MEGF10: variants seen among roughly 807,000 people sequenced by gnomAD.
MEGF10 encodes multiple epidermal growth factor-like domains protein 10.
In MEGF10, 86 loss-of-function variants were observed where a neutral mutation model predicts 147.5. The observed-to-expected ratio is 0.58, with a 90% confidence interval of 0.49 to 0.70. The LOEUF (loss-of-function observed/expected upper bound fraction) is 0.70. Among genes scored for constraint, MEGF10 ranks in the 30% least tolerant of loss-of-function variants. The probability of loss-of-function intolerance (pLI) is 0.00; values close to 1 mark genes in which losing one functional copy is unlikely to be tolerated. For missense variants in MEGF10, 1,329 were observed against 1,487.3 expected (o/e 0.89, Z 1.75); for synonymous variants, 478 against 525.5 (o/e 0.91, Z 1.24).
chr5:127,239,018 T>C, the MEGF10 span, among the ~76,000 whole-genome samples: 3 of 151,776 alleles, frequency 2.0e-5, no homozygotes, highest in African/African-American at 7.3e-5. Context: ...GCGATAGTAC[T>C]GCCAAAATGT....
chr5:127,284,735 C>A, the MEGF10 span, among the ~76,000 whole-genome samples: 7 of 152,040 alleles, frequency 4.6e-5, no homozygotes, highest in African/African-American at 1.7e-4. Context: ...CTGCTGTAAC[C>A]CCCACTTCTA....
At chr5:127,401,783 C>G (rs1201645716) in intron 7 of MEGF10, among the ~76,000 whole-genome samples, 2 of 152,160 alleles carry the variant, frequency 1.3e-5, no homozygotes, top group Non-Finnish European at 2.9e-5. Context: ...TTATTCCTAT[C>G]CACGCAAGAT....
chr5:127,433,559 A>G, intron 14 of MEGF10, 50 bp downstream of exon 14: 2 of 1,546,860 alleles, frequency 1.3e-6, no homozygotes, highest in Non-Finnish European at 8.7e-7. Context: ...CCTGGGCACC[A>G]TGTATCGAAT....
the MEGF10 span, among the ~76,000 whole-genome samples, chr5:127,260,240 C>T: frequency 1.3e-5 from 2 of 151,988 alleles, no homozygotes; most frequent in African/African-American, 2.4e-5. Context: ...GGGTTTCAGG[C>T]TGTGTTGATC....
In MEGF10 at chr5:127,448,998, G is replaced by C. The variant is rs374926402; in HGVS notation, c.2857-101G>C. The C allele has an allele frequency of 9.5e-5, 141 of 1,483,928 alleles. No individual in the cohort carries two copies. The East Asian group carries it at 1.5e-3, about 16-fold the overall frequency. The allele number at this position is 1,483,928 out of a possible 1,614,324, so 91.9% of individuals were successfully genotyped here. A position where few individuals can be genotyped will look rare whatever the true frequency, so the allele number is the denominator to read the frequency against. ...CTGAGCTCAGGTCACTCTAAGGACTGGTCCTCAATATGTGCCCTGGACTTT... is the reference window on the plus strand; with the variant it reads ...CTGAGCTCAGGTCACTCTAAGGACTCGTCCTCAATATGTGCCCTGGACTTT... On this transcript the variant is annotated intron_variant, in intron 21 of 24. Transcript: ENST00000503335.
At chr5:127,255,474 G>A in the MEGF10 span, among the ~76,000 whole-genome samples, 1 of 151,404 alleles carries the variant, frequency 6.6e-6, no homozygotes, top group Non-Finnish European at 1.5e-5. Flanking sequence ...GAGGGGGGCA[G>A]TTTTAGGGAA....
chr5:127,436,285 G>A (rs1765551325), intron 16 of MEGF10, among the ~76,000 whole-genome samples: 1 of 152,174 alleles, frequency 6.6e-6, no homozygotes, highest in Non-Finnish European at 1.5e-5. Context: ...ACAGTTACAA[G>A]CAACCTGCAA....
chr5:127,380,088 T>C (rs1763194004), intron 5 of MEGF10, among the ~76,000 whole-genome samples: 1 of 151,638 alleles, frequency 6.6e-6, no homozygotes, highest in Admixed American at 6.6e-5. Context: ...TTCTTGTCTG[T>C]CTTCCCCTCC....
chr5:127,455,199 A>C (rs1766312877), intron 23 of MEGF10, among the ~76,000 whole-genome samples: 1 of 152,222 alleles, frequency 6.6e-6, no homozygotes, highest in East Asian at 1.9e-4. Flanking sequence ...GTCAGTACTC[A>C]TCTTGGAGAG....
intron 13 of MEGF10, among the ~76,000 whole-genome samples, chr5:127,429,333 C>T (rs1765319190): frequency 6.6e-6 from 1 of 152,178 alleles, no homozygotes; most frequent in South Asian, 2.1e-4. Context: ...ACATCTCCAC[C>T]TCCTTAGCAG....
Position 127,357,588 on chromosome 5 carries a change from AAAATAAAT to A in MEGF10, c.320-12286_320-12279del, listed in dbSNP as rs71573990. The stretch of plus-strand genomic sequence containing the variant: ...AGGTGACAGAACAAGACCCTGCCTC[AAAATAAAT>A]AAATAAATAAATAAATAAATAAATA... On this transcript the variant is annotated intron_variant, in intron 4 of 24. Coordinates refer to ENST00000503335, the MANE Select transcript of MEGF10 (RefSeq NM_001256545.2). Among the ~76,000 whole-genome samples the A allele has an allele frequency of 7.5e-3, 994 of 132,588 alleles. 14 individuals are homozygous for A. The highest frequency in any genetic ancestry group is 0.024 in the African/African-American group (813 of 34,040). The allele number at this position is 132,588 out of a possible 152,430, so 87.0% of individuals were successfully genotyped here.
chr5:127,271,557 A>C, the MEGF10 span, among the ~76,000 whole-genome samples: 3 of 152,088 alleles, frequency 2.0e-5, no homozygotes, highest in Admixed American at 1.3e-4. Context: ...CCAAAATCTC[A>C]TCTTGAATTG....
At chr5:127,409,169 CAA>C (rs1167146240) in intron 8 of MEGF10, among the ~76,000 whole-genome samples, 2 of 152,188 alleles carry the variant, frequency 1.3e-5, no homozygotes, top group African/African-American at 4.8e-5. Flanking sequence ...TAAAAATATG[CAA>C]AGTTTTGTGG....
At chr5:127,259,978 G>A in the MEGF10 span, among the ~76,000 whole-genome samples, 2 of 151,960 alleles carry the variant, frequency 1.3e-5, no homozygotes, top group African/African-American at 4.8e-5. Flanking sequence ...CCAACATGGT[G>A]AAACCCTGTC....
intron 4 of MEGF10, among the ~76,000 whole-genome samples, chr5:127,359,193 G>A (rs552196051): frequency 5.3e-5 from 8 of 151,884 alleles, no homozygotes; most frequent in African/African-American, 1.9e-4. Flanking sequence ...TACCTTCATA[G>A]GCATTTAAAG....
At chr5:127,344,623 A>G (rs1761810990) in intron 4 of MEGF10, among the ~76,000 whole-genome samples, 1 of 152,166 alleles carries the variant, frequency 6.6e-6, no homozygotes, top group Non-Finnish European at 1.5e-5. Flanking sequence ...CAAATATTTA[A>G]ATAAAACATA....
chr5:127,245,595 A>C, the MEGF10 span, among the ~76,000 whole-genome samples: 60,652 of 152,056 alleles, frequency 0.4, 12,590 homozygotes, highest in Middle Eastern at 0.54. Context: ...AACAAAAGCC[A>C]AAATTAACAA....
chr5:127,299,812 T>C (rs1373234686), intron 1 of MEGF10, among the ~76,000 whole-genome samples: 3 of 151,896 alleles, frequency 2.0e-5, no homozygotes, highest in Admixed American at 6.6e-5. Flanking sequence ...AAGCCTTTTC[T>C]GGACGTGATG....
chr5:127,406,887 A>T (rs1764351100), intron 8 of MEGF10, among the ~76,000 whole-genome samples: 1 of 152,136 alleles, frequency 6.6e-6, no homozygotes, highest in Non-Finnish European at 1.5e-5. Context: ...CTGCCGTAGG[A>T]TCACTCTGGG....
Sources: allele counts gnomAD v4.1 joint callset (sites outside exome capture counted in the v4.1 genomes callset), GRCh38; gene constraint gnomAD v4.1.1; transcripts MANE v1.5; gene names NCBI Gene and HGNC (gene_info 2026-07-23, HGNC 2026-07-21).